COL14A1: variants seen among roughly 807,000 people sequenced by gnomAD.
COL14A1 encodes the protein collagen alpha-1(XIV) chain.
Under a neutral mutation model 230.3 loss-of-function variants are expected in COL14A1, and 136 were observed. The observed-to-expected ratio is 0.59, with a 90% confidence interval of 0.51 to 0.68. COL14A1 has a LOEUF of 0.68. Among genes scored for constraint, COL14A1 ranks in the 30% least tolerant of loss-of-function variants. COL14A1 has a pLI of 0.00. For synonymous variants in COL14A1, 792 were observed against 784.1 expected (o/e 1.01, Z -0.17); for missense variants, 1,976 against 2,215.8 (o/e 0.89, Z 2.17).
At chr8:120,310,641 C>A (rs1380262722) in intron 37 of COL14A1, among the ~76,000 whole-genome samples, 1 of 152,172 alleles carries the variant, frequency 6.6e-6, no homozygotes, top group African/African-American at 2.4e-5. Context: ...TGAGGACTGG[C>A]AGAAGCCCAG....
intron 43 of COL14A1, among the ~76,000 whole-genome samples, chr8:120,342,159 A>G (rs1822321443): frequency 6.6e-6 from 1 of 152,222 alleles, no homozygotes. Flanking sequence ...AATACTTACT[A>G]GTGCTTGTTA....
chr8:120,278,706 T>A, intron 28 of COL14A1, 128 bp downstream of exon 28: 1 of 935,338 alleles, frequency 1.1e-6, no homozygotes, highest in Non-Finnish European at 1.5e-6. Context: ...AACTAGACAG[T>A]GTAATTTTTA....
chr8:120,356,753 C>T (rs1268218411), intron 45 of COL14A1, among the ~76,000 whole-genome samples: 2 of 151,862 alleles, frequency 1.3e-5, no homozygotes, highest in Non-Finnish European at 1.5e-5. Flanking sequence ...TGCTGAAATA[C>T]ATGTTGCCTT....
intron 26 of COL14A1, chr8:120,277,906 C>T: frequency 3.0e-6 from 1 of 338,648 alleles, no homozygotes; most frequent in East Asian, 5.3e-5. Flanking sequence ...CCCTCTGAAT[C>T]TAAAATAAAA....
rs1816368833 is a variant in COL14A1 at position 120,178,772 on chromosome 8, A to C, written c.436+10525A>C. 2.0e-5 allele frequency among the ~76,000 whole-genome samples: 3 copies of C among 152,324 alleles called. No individual in the cohort carries two copies. In the South Asian group the frequency reaches 6.2e-4, roughly 32 times the overall value. On this transcript the variant is annotated intron_variant, in intron 5 of 47. Transcript: ENST00000297848. ...TGACTTTTTAATAGATTGCCATTCT[A>C]ACTGGCATTAGATGATATCTCATTG...
intron 3 of COL14A1, among the ~76,000 whole-genome samples, chr8:120,160,814 T>C (rs1815639604): frequency 6.6e-6 from 1 of 152,220 alleles, no homozygotes; most frequent in South Asian, 2.1e-4. Context: ...AGGATGCTAA[T>C]AGCTATTATA....
chr8:120,341,822 C>T (rs1822307502), intron 43 of COL14A1, among the ~76,000 whole-genome samples: 1 of 152,152 alleles, frequency 6.6e-6, no homozygotes, highest in Non-Finnish European at 1.5e-5. Flanking sequence ...GAACTGGCCC[C>T]CAAACTGAAG....
intron 45 of COL14A1, among the ~76,000 whole-genome samples, chr8:120,359,401 A>T (rs982722356): frequency 1.3e-5 from 2 of 152,130 alleles, no homozygotes; most frequent in South Asian, 2.1e-4. Flanking sequence ...CCCTGACCTT[A>T]TCCCAATGCC....
At chr8:120,313,535 T>C (rs1004847745) in intron 37 of COL14A1, among the ~76,000 whole-genome samples, 1 of 152,128 alleles carries the variant, frequency 6.6e-6, no homozygotes, top group African/African-American at 2.4e-5. Flanking sequence ...TGGTTGACAG[T>C]AGCGAAGACA....
chr8:120,280,385 G>A lies in COL14A1; in HGVS notation c.3646+286G>A, dbSNP rs932093295. 8.7e-4 allele frequency among the ~76,000 whole-genome samples: 133 copies of A among 152,118 alleles called. 1 individual carries two copies. The highest frequency in any genetic ancestry group is 3.1e-3 in the African/African-American group (129 of 41,382). On this transcript the variant is annotated intron_variant, in intron 29 of 47. Transcript: ENST00000297848. The stretch of plus-strand genomic sequence containing the variant: ...AAATAATTTTCAATGTATTAAGAAT[G>A]TATTAAGATGTAAAATGTATTAAGA...
intron 4 of COL14A1, among the ~76,000 whole-genome samples, chr8:120,163,942 C>G (rs1815777454): frequency 6.6e-6 from 1 of 151,938 alleles, no homozygotes; most frequent in South Asian, 2.1e-4. Context: ...CCCTATGAAT[C>G]TTATAGTCTA....
Position 120,341,329 on chromosome 8 carries a change from T to C in COL14A1, c.4790T>C (p.Val1597Ala), listed in dbSNP as rs1822290068. 1 of 1,614,162 alleles carries C rather than the reference T, an allele frequency of 6.2e-7. No individual in the cohort carries two copies. Among genetic ancestry groups the C allele is most frequent in the Non-Finnish European group, 8.5e-7 (1 of 1,180,010 alleles). ...GPQGALGPPGVPGAKGERGER... is the reference protein window; with the variant it reads ...GPQGALGPPGAPGAKGERGER... ...GACAATTTTCCATTTATACAGGGTG[T>C]CCCTGGAGCAAAGGGGGAACGAGGA... is the stretch of plus-strand genomic sequence containing the variant. Residue 1597 changes from valine (V) to alanine (A), a missense_variant, in exon 43 of 48, where the codon GTC becomes GCC. Coordinates refer to ENST00000297848, the MANE Select transcript of COL14A1 (RefSeq NM_021110.4).
intron 19 of COL14A1, among the ~76,000 whole-genome samples, chr8:120,238,559 T>A (rs1214773775): frequency 2.0e-5 from 3 of 152,198 alleles, no homozygotes; most frequent in Non-Finnish European, 4.4e-5. Context: ...GGGGGTTGGA[T>A]CTGCTGAGCA....
At position 120,209,793 on chromosome 8, in the gene COL14A1, C is replaced by T. The variant is rs770905335; in HGVS notation, c.1359C>T (p.Asp453=). The T allele has an allele frequency of 8.7e-6, 14 of 1,613,482 alleles. No individual in the cohort carries two copies. The highest frequency in any genetic ancestry group is 1.1e-5 in the South Asian group (1 of 91,034). Residue 453 remains aspartate (D), a synonymous_variant, in exon 12 of 48, where the codon GAC becomes GAT. Coordinates refer to ENST00000297848, the MANE Select transcript of COL14A1 (RefSeq NM_021110.4). ...TGGCTTCTGACCTTCTACTGTACGA[C>T]GTGACTGAGAACAGCATGCGAGTCA... ...LPMASDLLLY[D]VTENSMRVKW...
At position 120,344,209 on chromosome 8, in the gene COL14A1, A is replaced by T. The variant is rs1822417436; in HGVS notation, c.4889-1166A>T. The stretch of plus-strand genomic sequence containing the variant: ...CAACTCGATAAGCCAGGCCCAGCCT[A>T]CTCAGAGGCTGTATTTCTGGTACCT... On this transcript the variant is annotated intron_variant, in intron 44 of 47. Coordinates refer to ENST00000297848, the MANE Select transcript of COL14A1 (RefSeq NM_021110.4). 2.0e-5 allele frequency among the ~76,000 whole-genome samples: 3 copies of T among 152,216 alleles called. No individual in the cohort carries two copies. In the South Asian group the frequency reaches 6.2e-4, roughly 32 times the overall value.
At chr8:120,276,504 A>G (rs917583056) in intron 26 of COL14A1, among the ~76,000 whole-genome samples, 5 of 151,426 alleles carry the variant, frequency 3.3e-5, no homozygotes, top group Non-Finnish European at 4.4e-5. Context: ...CTCCAAAAGT[A>G]TTGTAAATAA....
chr8:120,319,476 A>T (rs1404482010), intron 40 of COL14A1, among the ~76,000 whole-genome samples: 2 of 152,122 alleles, frequency 1.3e-5, no homozygotes, highest in African/African-American at 4.8e-5. Flanking sequence ...CACCTGGCCA[A>T]ATCTTTGTCT....
intron 40 of COL14A1, among the ~76,000 whole-genome samples, chr8:120,318,009 T>C: frequency 6.6e-6 from 1 of 152,174 alleles, no homozygotes; most frequent in Middle Eastern, 3.2e-3. Flanking sequence ...AAAGAAAAGA[T>C]TGTATGATTC....
Position 120,228,220 on chromosome 8 carries a change from A to T in COL14A1, c.2138-490A>T, listed in dbSNP as rs144037285. On this transcript the variant is annotated intron_variant, in intron 17 of 47. Transcript: ENST00000297848. ...CAGCACCAAGTGGATTGGTGTGTTG[A>T]CCCTAAAAAGAGGATCTGGGAAGAG... Among the ~76,000 whole-genome samples, 879 of 152,174 alleles carry T rather than the reference A, an allele frequency of 5.8e-3. 5 individuals are homozygous for T. Among genetic ancestry groups the T allele is most frequent in the Non-Finnish European group, 9.2e-3 (623 of 67,996 alleles).
Sources: gnomAD v4.1 joint callset for allele counts (sites outside exome capture counted in the v4.1 genomes callset) on GRCh38, gnomAD v4.1.1 for gene constraint, MANE v1.5 for transcripts, NCBI Gene and HGNC (gene_info 2026-07-23, HGNC 2026-07-21) for gene names.